SH3D19: variants seen among roughly 807,000 people sequenced by gnomAD.
SH3D19 encodes SH3 domain-containing protein 19.
Under a neutral mutation model 112.1 loss-of-function variants are expected in SH3D19, and 58 were observed. The ratio of observed to expected loss-of-function variants is 0.52; its 90% CI spans 0.42 to 0.64. The LOEUF (loss-of-function observed/expected upper bound fraction) is 0.64, where lower values mean the gene tolerates loss of function less well. Ranked by LOEUF, SH3D19 falls within the 30% of genes least tolerant of loss-of-function variation. The probability of loss-of-function intolerance (pLI) is 0.00; values close to 1 mark genes in which losing one functional copy is unlikely to be tolerated. For missense variants in SH3D19, 1,090 were observed against 1,263.4 expected, an observed-to-expected ratio of 0.86 and a Z score of 2.08; for synonymous variants, 391 against 448.5, an observed-to-expected ratio of 0.87 and a Z score of 1.62.
chr4:151,307,550 C>T lies in SH3D19; in HGVS notation c.112+17691G>A, dbSNP rs146744269. Among the ~76,000 whole-genome samples, 1,086 of 152,340 alleles carry T rather than the reference C, an allele frequency of 7.1e-3. 9 individuals are homozygous for T. Among genetic ancestry groups the T allele is most frequent in the African/African-American group, 0.023 (947 of 41,590 alleles). On this transcript the variant is annotated intron_variant, in intron 1 of 19. Transcript: ENST00000604030. ...TAGACCCGTCAGGCAGGTGTGTGCC[C>T]GCAGGGCCTGACAAAGGGCATCACG...
At chr4:151,234,735 G>A (rs1401548353) in intron 1 of SH3D19, among the ~76,000 whole-genome samples, 1 of 25,078 alleles carries the variant, frequency 4.0e-5, no homozygotes. Flanking sequence ...CCAAGTTTGT[G>A]TTTTTTTTTT....
At chr4:151,291,884 C>T (rs1205077621) in intron 1 of SH3D19, among the ~76,000 whole-genome samples, 2 of 152,104 alleles carry the variant, frequency 1.3e-5, no homozygotes, top group Non-Finnish European at 2.9e-5. Flanking sequence ...CCCTTCTAAC[C>T]CTCCCTTTAC....
intron 1 of SH3D19, among the ~76,000 whole-genome samples, chr4:151,290,012 TGGTAG>T (rs1775170155): frequency 6.6e-6 from 1 of 152,180 alleles, no homozygotes. Context: ...TGAAGTGCAG[TGGTAG>T]GATCATAGTT....
intron 2 of SH3D19, among the ~76,000 whole-genome samples, chr4:151,218,607 A>G (rs561332221): frequency 6.6e-6 from 1 of 152,238 alleles, no homozygotes; most frequent in East Asian, 1.9e-4. Flanking sequence ...AAGTATAGAT[A>G]ATATTGCAAA....
intron 19 of SH3D19, among the ~76,000 whole-genome samples, chr4:151,125,956 T>G (rs1035737472): frequency 1.3e-5 from 2 of 152,012 alleles, no homozygotes; most frequent in Non-Finnish European, 2.9e-5. Context: ...GAAATAACAT[T>G]TTATTATTCA....
rs371516037 is a variant in SH3D19, at chr4:151,174,946, G to A, written c.1258C>T (p.Pro420Ser). ...GATTTCTTCAGCAGCAAAGGCCGCG[G>A]GGCAGGAGTTGGCACTTTCTTCCCA... is the stretch of plus-strand genomic sequence containing the variant. ...DSGKKVPTPAPRPLLLKKSVS... is the reference protein window; with the variant it reads ...DSGKKVPTPASRPLLLKKSVS... The change falls in exon 7 of 20, where the codon CCG (proline) becomes TCG (serine). Residue 420 changes from proline to serine, a missense_variant. By Grantham distance (74) the Pro-to-Ser change is moderately conservative (BLOSUM62 -1). Coordinates refer to ENST00000604030, the MANE Select transcript of SH3D19 (RefSeq NM_001378122.1). 3 of 1,613,976 alleles carry A rather than the reference G, an allele frequency of 1.9e-6. No homozygotes were observed. Among genetic ancestry groups the A allele is most frequent in the East Asian group, 4.5e-5 (2 of 44,902 alleles).
At position 151,161,817 on chromosome 4, in the gene SH3D19, T is replaced by C. The variant is rs573718035; in HGVS notation, c.1643-2465A>G. ...TCTCGCTTTGTCACCCAGGCTGGAATGTGGTGGCATGATCTCGGCTCACTG... is the reference window on the plus strand; with the variant it reads ...TCTCGCTTTGTCACCCAGGCTGGAACGTGGTGGCATGATCTCGGCTCACTG... On this transcript the variant is annotated intron_variant, in intron 8 of 19. Transcript: ENST00000604030. 3.4e-5 allele frequency among the ~76,000 whole-genome samples: 5 copies of C among 148,186 alleles called. No individual in the cohort carries two copies. The South Asian group carries it at 1.1e-3, about 32-fold the overall frequency.
At chr4:151,224,408 G>A (rs1210060540) in intron 2 of SH3D19, among the ~76,000 whole-genome samples, 2 of 152,130 alleles carry the variant, frequency 1.3e-5, no homozygotes, top group South Asian at 2.1e-4. Context: ...TTGGGGGAAG[G>A]TAGATGTAAT....
intron 2 of SH3D19, among the ~76,000 whole-genome samples, chr4:151,193,266 G>GT (rs1357029944): frequency 0.012 from 1,709 of 145,474 alleles, 12 homozygotes; most frequent in African/African-American, 0.018. Flanking sequence ...TTTAAAATAG[G>GT]TTTGTTTTTT....
At chr4:151,175,767 A>G in intron 6 of SH3D19, 93 bp from the exon 7 acceptor site, 1 of 1,119,612 alleles carries the variant, frequency 8.9e-7, no homozygotes, top group Non-Finnish European at 1.1e-6. Context: ...CAGATTTAAA[A>G]CTACATACAT....
intron 1 of SH3D19, chr4:151,291,558 G>C: frequency 4.2e-6 from 3 of 713,020 alleles, no homozygotes; most frequent in Non-Finnish European, 6.9e-6. Context: ...GGAATGTGAA[G>C]AGTTAAGAAA....
In SH3D19 at chr4:151,226,296, T is replaced by A. The variant is rs147891309; in HGVS notation, c.113-210A>T. The A allele has an allele frequency of 1.5e-3, 1,853 of 1,203,886 alleles. 12 individuals are homozygous for A. In the African/African-American group the frequency reaches 0.025, roughly 16 times the overall value. 74.6% of individuals were successfully genotyped at this position (1,203,886 alleles called of 1,614,324 possible). A position where few individuals can be genotyped will look rare whatever the true frequency, so the allele number is the denominator to read the frequency against. On this transcript the variant is annotated intron_variant, in intron 1 of 19. Coordinates refer to ENST00000604030, the MANE Select transcript of SH3D19 (RefSeq NM_001378122.1). ...ACAGGCATAAAAGCTTACGGTTTGTTAAAATCATCTACTTGGAAAATGCAT... is the reference window on the plus strand; with the variant it reads ...ACAGGCATAAAAGCTTACGGTTTGTAAAAATCATCTACTTGGAAAATGCAT...
At chr4:151,316,805 G>A (rs1176347357) in intron 1 of SH3D19, among the ~76,000 whole-genome samples, 4 of 152,310 alleles carry the variant, frequency 2.6e-5, no homozygotes, top group South Asian at 2.1e-4. Flanking sequence ...ACTCGTTCCA[G>A]CTGCTTCTAA....
rs1159867186 is a variant in SH3D19, at chr4:151,226,076, T to C, written c.123A>G (p.Glu41=). The change falls in exon 2 of 20, where the codon GAA becomes GAG. Residue 41 remains glutamate (E), a synonymous_variant. Transcript: ENST00000604030. ...AAGAACGATGTTCTGGTTTATTTCGTTCGTTGCGATCTGTAGAGAAAGAAG... is the reference window on the plus strand; with the variant it reads ...AAGAACGATGTTCTGGTTTATTTCGCTCGTTGCGATCTGTAGAGAAAGAAG... ...LSGHSAADRN[E]RNKPEHRSSS... is the part of the protein sequence containing the mutation. The C allele has an allele frequency of 2.4e-6, 3 of 1,231,688 alleles. No individual in the cohort carries two copies. The highest frequency in any genetic ancestry group is 3.0e-6 in the Non-Finnish European group (3 of 987,710). 76.3% of individuals were successfully genotyped at this position (1,231,688 alleles called of 1,614,324 possible). A position where few individuals can be genotyped will look rare whatever the true frequency, so the allele number is the denominator to read the frequency against.
chr4:151,172,446 G>C (rs1054934770), intron 7 of SH3D19, among the ~76,000 whole-genome samples: 3 of 152,158 alleles, frequency 2.0e-5, no homozygotes, highest in Non-Finnish European at 4.4e-5. Context: ...TCATCAGAGT[G>C]TAAAGGCCTA....
intron 1 of SH3D19, among the ~76,000 whole-genome samples, chr4:151,324,791 G>T (rs1402492257): frequency 6.9e-6 from 1 of 145,596 alleles, no homozygotes; most frequent in Non-Finnish European, 1.5e-5. Flanking sequence ...AGGGAGGGGG[G>T]TCACAGGTCC....
intron 9 of SH3D19, among the ~76,000 whole-genome samples, chr4:151,158,745 T>C (rs1756620110): frequency 6.6e-6 from 1 of 151,814 alleles, no homozygotes; most frequent in Non-Finnish European, 1.5e-5. Context: ...TATATATATG[T>C]ACTTTAAAAA....
chr4:151,324,131 T>C (rs1431450933), intron 1 of SH3D19, among the ~76,000 whole-genome samples: 1 of 152,228 alleles, frequency 6.6e-6, no homozygotes, highest in Non-Finnish European at 1.5e-5. Context: ...ATAATGAGCA[T>C]GGAGAATTAT....
chr4:151,213,671 A>ATTTATTTATTTATTTATTT (rs1554055367), intron 2 of SH3D19, among the ~76,000 whole-genome samples: 13 of 148,214 alleles, frequency 8.8e-5, no homozygotes, highest in African/African-American at 3.0e-4. Flanking sequence ...AATATGAATT[A>ATTTATTTATTTATTTATTT]ATTAATTAAT....
Sources: gnomAD v4.1 joint callset for allele counts (sites outside exome capture counted in the v4.1 genomes callset) on GRCh38, gnomAD v4.1.1 for gene constraint, MANE v1.5 for transcripts, NCBI Gene and HGNC (gene_info 2026-07-23, HGNC 2026-07-21) for gene names.